Variants in FBXL19 observed in about 807,000 individuals in gnomAD.
FBXL19 encodes the protein F-box/LRR-repeat protein 19.
In FBXL19, 16 loss-of-function variants were observed where a neutral mutation model predicts 71.2. The observed-to-expected ratio is 0.22, with a 90% CI of 0.15 to 0.34. The LOEUF is 0.34. Ranked by LOEUF, FBXL19 falls within the 10% of genes least tolerant of loss-of-function variation. The pLI is 1.00. For synonymous variants in FBXL19, 447 were observed against 409.4 expected (o/e 1.09, Z -1.11); for missense variants, 658 against 968.2 (o/e 0.68, Z 4.25).
rs1596648031 is a variant in FBXL19 at position 30,923,807 on chromosome 16, A to G, written c.-677A>G. 3.6e-5 allele frequency among the ~76,000 whole-genome samples: 2 copies of G among 55,144 alleles called. No homozygotes were observed. Among genetic ancestry groups the G allele is most frequent in the African/African-American group, 7.1e-5 (1 of 13,992 alleles). 36.2% of individuals were successfully genotyped at this position (55,144 alleles called of 152,430 possible). On this transcript the variant is annotated 5_prime_UTR_variant, in exon 1 of 11. Coordinates refer to ENST00000338343, the MANE Select transcript of FBXL19 (RefSeq NM_001382779.1). The stretch of plus-strand genomic sequence containing the variant: ...GGTCGCGCGCTTGGGGGAGGGGGAG[A>G]GGTCGGGGGTGCGCGCGGGCTGGGG...
rs2055875041 is a variant in FBXL19 at position 30,947,595 on chromosome 16, G to C, written c.*365G>C. On this transcript the variant is annotated 3_prime_UTR_variant, in exon 11 of 11. Coordinates refer to ENST00000338343, the MANE Select transcript of FBXL19 (RefSeq NM_001382779.1). ...ACACAGGATATGGGAGCCAGGGGCT[G>C]GGGGAGGTGGAAGGGGCGGGGGGCG... 2 of 319,914 alleles carry C rather than the reference G, an allele frequency of 6.3e-6. No homozygotes were observed. Among genetic ancestry groups the C allele is most frequent in the African/African-American group, 4.6e-5 (2 of 43,792 alleles). The allele number at this position is 319,914 out of a possible 1,614,324, so 19.8% of individuals were successfully genotyped here. A position where few individuals can be genotyped will look rare whatever the true frequency, so the allele number is the denominator to read the frequency against.
intron 9 of FBXL19, among the ~76,000 whole-genome samples, chr16:30,945,929 GAGGAAAAA>G: frequency 6.7e-6 from 1 of 150,312 alleles, no homozygotes; most frequent in East Asian, 1.9e-4. Context: ...GTGAGAAAAA[GAGGAAAAA>G]ATGATGCAAG....
chr16:30,930,589 G>A lies in FBXL19; in HGVS notation c.1301+5G>A. ...CTGCCGAACTTGGAGCCGCTGGTGA[G>A]TGGCCTGGACAGGCCTGCGTTCCGT... On this transcript the variant is annotated splice_donor_5th_base_variant and intron_variant, in intron 7 of 10. Transcript: ENST00000338343. The surrounding 1 kb of genome is among the most constrained non-coding windows in gnomAD (Gnocchi z 8.5). 6.9e-7 allele frequency: 1 copy of A among 1,453,348 alleles called. No homozygotes were observed. The highest frequency in any genetic ancestry group is 1.4e-5 in the African/African-American group (1 of 69,520). The allele number at this position is 1,453,348 out of a possible 1,614,324, so 90.0% of individuals were successfully genotyped here.
rs541710166 is a variant in FBXL19 at position 30,942,341 on chromosome 16, C to T, written c.1466-34C>T. The T allele has an allele frequency of 3.1e-6, 5 of 1,604,654 alleles. No homozygotes were observed. Among genetic ancestry groups the T allele is most frequent in the Admixed American group, 3.4e-5 (2 of 59,140 alleles). On this transcript the variant is annotated intron_variant, in intron 8 of 10. Coordinates refer to ENST00000338343, the MANE Select transcript of FBXL19 (RefSeq NM_001382779.1). The surrounding 1 kb of genome is among the most constrained non-coding windows in gnomAD (Gnocchi z 5.7). ...GGACAGGCCTGGGATGGAGTCCTCA[C>T]AGCACCTGCTTCCTGACTGCCCCCT...
intron 7 of FBXL19, among the ~76,000 whole-genome samples, chr16:30,934,762 A>G (rs1460975193): frequency 1.3e-5 from 2 of 152,196 alleles, no homozygotes; most frequent in African/African-American, 2.4e-5. Context: ...GGGCAACAGC[A>G]TCATTCCCCA....
At chr16:30,943,730 T>G (rs2055827616) in intron 9 of FBXL19, among the ~76,000 whole-genome samples, 1 of 151,844 alleles carries the variant, frequency 6.6e-6, no homozygotes, top group Admixed American at 6.6e-5. Flanking sequence ...CTCGAACTCC[T>G]TGTCTCAAGT....
At chr16:30,939,366 G>A (rs2055775000) in intron 7 of FBXL19, among the ~76,000 whole-genome samples, 1 of 147,122 alleles carries the variant, frequency 6.8e-6, no homozygotes, top group African/African-American at 2.5e-5. Flanking sequence ...GGACTTTTGT[G>A]TTTATTTTTA....
rs948962875 is a variant in FBXL19 at position 30,924,476 on chromosome 16, C to G, written c.-25+17C>G. On this transcript the variant is annotated intron_variant, in intron 1 of 10. Coordinates refer to ENST00000338343, the MANE Select transcript of FBXL19 (RefSeq NM_001382779.1). Reference sequence around the variant, plus strand: ...ACGTGTGAGGTGGGTTCATGCGGCTCCTCCTCACCCCCAGACCTGGGCAGC... The same window carrying G: ...ACGTGTGAGGTGGGTTCATGCGGCTGCTCCTCACCCCCAGACCTGGGCAGC... 1 of 468,106 alleles carries G rather than the reference C, an allele frequency of 2.1e-6. No individual in the cohort carries two copies. Among genetic ancestry groups the G allele is most frequent in the Non-Finnish European group, 3.4e-6 (1 of 290,212 alleles). The allele number at this position is 468,106 out of a possible 1,614,324, so 29.0% of individuals were successfully genotyped here.
chr16:30,927,761 C>T lies in FBXL19; in HGVS notation c.425C>T (p.Pro142Leu), dbSNP rs751753002. The change falls in exon 5 of 11, where the codon CCT (proline) becomes CTT (leucine). Residue 142 changes from proline (P) to leucine (L), a missense_variant. Transcript: ENST00000338343. ...GRTSKDSGEG[P>L]GRRRADNGEE... Reference sequence around the variant, plus strand: ...CCCGCCTAGGATTCAGGTGAGGGGCCTGGCCGCCGTAGGGCCGACAACGGC... The same window carrying T: ...CCCGCCTAGGATTCAGGTGAGGGGCTTGGCCGCCGTAGGGCCGACAACGGC... The T allele has an allele frequency of 6.4e-7, 1 of 1,556,702 alleles. No homozygotes were observed. Among genetic ancestry groups the T allele is most frequent in the Non-Finnish European group, 8.7e-7 (1 of 1,150,818 alleles).
At chr16:30,943,140 G>C (rs2055820065) in intron 9 of FBXL19, among the ~76,000 whole-genome samples, 1 of 152,216 alleles carries the variant, frequency 6.6e-6, no homozygotes, top group Non-Finnish European at 1.5e-5. Flanking sequence ...CTAGTTTGAG[G>C]AAAGATTTTC....
chr16:30,940,957 C>G (rs2055795997), intron 7 of FBXL19, among the ~76,000 whole-genome samples: 1 of 152,170 alleles, frequency 6.6e-6, no homozygotes, highest in Non-Finnish European at 1.5e-5. Context: ...GTGTGAGCCA[C>G]TGCACCCAGC....
chr16:30,946,987 TC>T lies in FBXL19; in HGVS notation c.1846+43del. ...CCCATCCGTCCTGCCAGCCTGTGGA[TC>T]CCCACGGCCAGTGCCAACCCCTTGC... On this transcript the variant is annotated intron_variant, in intron 10 of 10. Coordinates refer to ENST00000338343, the MANE Select transcript of FBXL19 (RefSeq NM_001382779.1). This position sits in a 1 kb window ranked among gnomAD's most constrained non-coding sequence, Gnocchi z 6.7. 6.3e-7 allele frequency: 1 copy of T among 1,581,972 alleles called. No individual in the cohort carries two copies. Among genetic ancestry groups the T allele is most frequent in the South Asian group, 1.1e-5 (1 of 87,264 alleles).
chr16:30,948,411 A>G lies in FBXL19; in HGVS notation c.*1181A>G, dbSNP rs1340522185. On this transcript the variant is annotated 3_prime_UTR_variant, in exon 11 of 11. Transcript: ENST00000338343. ...TTAGTTGCCATGGGAACCTAGTAACAGACTCTGCTGGCCCTCCTTCCCTGC... is the reference window on the plus strand; with the variant it reads ...TTAGTTGCCATGGGAACCTAGTAACGGACTCTGCTGGCCCTCCTTCCCTGC... The G allele has an allele frequency of 6.6e-6, 1 of 152,502 alleles. No individual in the cohort carries two copies. 9.4% of individuals were successfully genotyped at this position (152,502 alleles called of 1,614,324 possible). A position where few individuals can be genotyped will look rare whatever the true frequency, so the allele number is the denominator to read the frequency against.
intron 7 of FBXL19, among the ~76,000 whole-genome samples, chr16:30,931,014 A>ACGATTGGTTC (rs1301421157): frequency 2.0e-5 from 3 of 151,954 alleles, no homozygotes; most frequent in African/African-American, 4.8e-5. Flanking sequence ...AAACAGTCTG[A>ACGATTGGTTC]CGATTGGTTC....
chr16:30,925,139 G>A lies in FBXL19; in HGVS notation c.-24-592G>A, dbSNP rs2055575587. On this transcript the variant is annotated intron_variant, in intron 1 of 10. Transcript: ENST00000338343. This position sits in a 1 kb window ranked among gnomAD's most constrained non-coding sequence, Gnocchi z 5.0. ...TTAGTGGGCAGAGGAGATCGTTAGG[G>A]ACTTGGGGGCAAGGATCTCGCTGGA... 1.3e-5 allele frequency among the ~76,000 whole-genome samples: 2 copies of A among 152,138 alleles called. No individual in the cohort carries two copies. Among genetic ancestry groups the A allele is most frequent in the South Asian group, 4.1e-4 (2 of 4,836 alleles).
rs1368000910 is a variant in FBXL19, at chr16:30,924,028, G to A, written c.-456G>A. The A allele has an allele frequency of 2.0e-5, 3 of 151,298 alleles. No individual in the cohort carries two copies. The highest frequency in any genetic ancestry group is 4.4e-5 in the Non-Finnish European group (3 of 67,662). 9.4% of individuals were successfully genotyped at this position (151,298 alleles called of 1,614,324 possible). ...GGCCCAGGCCTGGCACTGGACCCCT[G>A]GGCAGTGGGGTCCGGGAAGGGGCCA... On this transcript the variant is annotated 5_prime_UTR_variant, in exon 1 of 11. Coordinates refer to ENST00000338343, the MANE Select transcript of FBXL19 (RefSeq NM_001382779.1).
chr16:30,937,175 G>T (rs1295769258), intron 7 of FBXL19, among the ~76,000 whole-genome samples: 1 of 152,090 alleles, frequency 6.6e-6, no homozygotes, highest in African/African-American at 2.4e-5. Flanking sequence ...CTGGTTAGTA[G>T]TGCTGAAGTC....
chr16:30,928,511 C>T lies in FBXL19; in HGVS notation c.672C>T (p.Asp224=), dbSNP rs376169841. The T allele has an allele frequency of 5.9e-5, 95 of 1,605,820 alleles. No homozygotes were observed. The highest frequency in any genetic ancestry group is 8.9e-5 in the South Asian group (8 of 90,362). ...GGCACCTGAAGAAGGTGGGTGGAGA[C>T]GCCTGCCTCCTCCGAGGATCGGACC... ...RERHLKKVGG[D]ACLLRGSDPG... The change falls in exon 6 of 11, where the codon GAC becomes GAT. Residue 224 remains aspartate, a synonymous_variant. Coordinates refer to ENST00000338343, the MANE Select transcript of FBXL19 (RefSeq NM_001382779.1).
chr16:30,947,103 G>A lies in FBXL19; in HGVS notation c.1898G>A (p.Arg633His), dbSNP rs1237856801. ...HCLPLFRRCP[R>H]LRRLDLRSCR... ...CTCCCGCTGTTCCGCCGCTGCCCTC[G>A]TCTACGCCGCCTAGACCTGCGCTCC... is the stretch of plus-strand genomic sequence containing the variant. The change falls in exon 11 of 11, where the codon CGT becomes CAT. Residue 633 changes from arginine to histidine, a missense_variant. Physicochemically the swap from Arg to His is conservative, Grantham distance 29. Coordinates refer to ENST00000338343, the MANE Select transcript of FBXL19 (RefSeq NM_001382779.1). 5 of 1,598,750 alleles carry A rather than the reference G, an allele frequency of 3.1e-6. No individual in the cohort carries two copies. The highest frequency in any genetic ancestry group is 2.2e-5 in the East Asian group (1 of 44,690).
Sources: gnomAD v4.1 joint callset for allele counts (sites outside exome capture counted in the v4.1 genomes callset) on GRCh38, gnomAD v4.1.1 for gene constraint, Gnocchi (gnomAD v3.1) non-coding constraint, MANE v1.5 for transcripts, NCBI Gene and HGNC (gene_info 2026-07-23, HGNC 2026-07-21) for gene names.